Variants in TAF1 observed in about 807,000 individuals in gnomAD.
The protein encoded by TAF1 is TATA-box binding protein associated factor 1.
A neutral mutation model predicts 138.5 loss-of-function variants in TAF1; 2 were observed. The observed-to-expected ratio is 0.01, with a 90% confidence interval of 0.01 to 0.05. TAF1 has a LOEUF of 0.05. Ranked by LOEUF, TAF1 falls within the 10% of genes least tolerant of loss-of-function variation. The probability of loss-of-function intolerance (pLI) is 1.00; values close to 1 mark genes in which losing one functional copy is unlikely to be tolerated. For missense variants in TAF1, 709 were observed against 1,478.0 expected, an observed-to-expected ratio of 0.48 and a Z score of 8.53; for synonymous variants, 437 against 503.2, an observed-to-expected ratio of 0.87 and a Z score of 1.76.
chrX:71,519,671 C>A (rs984236782), intron 13 of TAF1, among the ~76,000 whole-genome samples: 1 of 111,155 alleles, frequency 9.0e-6, no homozygotes, highest in African/African-American at 3.3e-5. Context: ...AAAATAAAAA[C>A]AAATAAAAAG....
chrX:71,393,279 T>C, intron 20 of TAF1, 22 bp from the exon 21 acceptor site: 2 of 1,189,439 alleles, frequency 1.7e-6, no homozygotes, highest in Non-Finnish European at 2.3e-6. Context: ...TTTATATTTG[T>C]GTGTGGCTAT....
chrX:71,487,313 A>G (rs1358352375), intron 13 of TAF1, among the ~76,000 whole-genome samples: 1 of 81,297 alleles, frequency 1.2e-5, no homozygotes, highest in South Asian at 5.6e-4. Flanking sequence ...CATCTAATGT[A>G]TGTATTTTTT....
chrX:71,411,727 C>T (rs913310759), intron 28 of TAF1, among the ~76,000 whole-genome samples: 2 of 112,229 alleles, frequency 1.8e-5, no homozygotes, highest in African/African-American at 6.5e-5. Context: ...ACGTACCATG[C>T]AGTTTAACCA....
At chrX:71,477,064 G>A (rs1602798425) in intron 13 of TAF1, among the ~76,000 whole-genome samples, 2 of 108,337 alleles carry the variant, frequency 1.8e-5, no homozygotes, top group Admixed American at 1.0e-4. Flanking sequence ...TCAGCCTCCC[G>A]AGTAGCTGGG....
At chrX:71,441,787 A>G (rs1207822044) in intron 32 of TAF1, 1 of 186,745 alleles carries the variant, frequency 5.4e-6, no homozygotes, top group African/African-American at 3.2e-5. Flanking sequence ...CATTTACATT[A>G]GATATTTCTC....
At position 71,464,160 on chromosome X, in the gene TAF1, C is replaced by G. The variant is rs2038667567; in HGVS notation, c.*114C>G. 1 of 665,707 alleles carries G rather than the reference C, an allele frequency of 1.5e-6. No homozygotes were observed. The highest frequency in any genetic ancestry group is 2.3e-6 in the Non-Finnish European group (1 of 441,660). 54.9% of individuals were successfully genotyped at this position (665,707 alleles called of 1,213,427 possible). On this transcript the variant is annotated 3_prime_UTR_variant, in exon 38 of 38. Transcript: ENST00000423759. The stretch of plus-strand genomic sequence containing the variant: ...TCTGATCCTGAAATCATGAAATTAA[C>G]TAACACCTTAGCCTTTTTAAAAGTA...
chrX:71,433,050 T>A (rs1433366384), intron 32 of TAF1, among the ~76,000 whole-genome samples: 1 of 111,914 alleles, frequency 8.9e-6, no homozygotes, highest in Non-Finnish European at 1.9e-5. Context: ...GCTTAATATG[T>A]TGAGAGATAG....
intron 18 of TAF1, among the ~76,000 whole-genome samples, chrX:71,389,956 C>CCG (rs1042575621): frequency 9.0e-6 from 1 of 110,877 alleles, no homozygotes; most frequent in Non-Finnish European, 1.9e-5. Context: ...CCTTCACCTA[C>CCG]CGGGGTTCCT....
chrX:71,407,214 ATTT>A (rs1192482805), intron 26 of TAF1, among the ~76,000 whole-genome samples: 4 of 80,937 alleles, frequency 4.9e-5, no homozygotes, highest in African/African-American at 4.9e-5. Flanking sequence ...TGCTCGGCAG[ATTT>A]TTTTTTTTTT....
chrX:71,420,306 A>T, intron 28 of TAF1: 1 of 1,138,564 alleles, frequency 8.8e-7, no homozygotes, highest in Non-Finnish European at 1.2e-6. Context: ...GGAGTCATCT[A>T]AGGCCAGGGA....
At chrX:71,513,137 C>T (rs1034860179) in intron 13 of TAF1, among the ~76,000 whole-genome samples, 3 of 111,812 alleles carry the variant, frequency 2.7e-5, no homozygotes, top group African/African-American at 9.8e-5. Context: ...GAATTGGCAC[C>T]TGATTAAGAT....
At chrX:71,367,640 C>T (rs2032651946) in intron 2 of TAF1, 27 bp downstream of exon 2, 3 of 1,195,895 alleles carry the variant, frequency 2.5e-6, no homozygotes, top group Non-Finnish European at 3.4e-6. Flanking sequence ...GGGGAGTAGG[C>T]GGGGGAGGAG....
intron 13 of TAF1, among the ~76,000 whole-genome samples, chrX:71,518,820 C>T (rs1264335749): frequency 3.8e-5 from 4 of 104,189 alleles, no homozygotes; most frequent in Non-Finnish European, 5.9e-5. Flanking sequence ...CTCAGCCTCC[C>T]GAGTAGGTGG....
chrX:71,520,130 T>A (rs923175446), intron 13 of TAF1, among the ~76,000 whole-genome samples: 4 of 27,337 alleles, frequency 1.5e-4, no homozygotes, highest in Admixed American at 5.7e-4. Context: ...CATTTTATTT[T>A]ATTTATTTAT....
chrX:71,388,206 C>A lies in TAF1; in HGVS notation c.2428-31C>A, dbSNP rs12688726. On this transcript the variant is annotated intron_variant, in intron 15 of 37. Coordinates refer to ENST00000423759, the MANE Select transcript of TAF1 (RefSeq NM_004606.5). ...GTGAGGACTTTTATCCTTTTCTTTG[C>A]CAAATAAAATACACTTGGTTTGTTG... 355 of 1,204,310 alleles carry A rather than the reference C, an allele frequency of 2.9e-4. No homozygotes were observed. In the East Asian group the frequency reaches 9.2e-3, roughly 31 times the overall value.
rs769473565 is a variant in TAF1 at position 71,401,665 on chromosome X, C to T, written c.3924C>T (p.Val1308=). The part of the protein sequence containing the change: ...EEQEEELEKT[V]IHNDNEELIK... The stretch of plus-strand genomic sequence containing the variant: ...AGGAGGAGGAGTTGGAAAAGACAGT[C>T]ATTCATAATGATAATGAAGAACTTA... The change falls in exon 25 of 38, where the codon GTC becomes GTT. Residue 1308 remains valine, a synonymous_variant. Coordinates refer to ENST00000423759, the MANE Select transcript of TAF1 (RefSeq NM_004606.5). 1.2e-5 allele frequency: 15 copies of T among 1,209,779 alleles called. No homozygotes were observed. Among genetic ancestry groups the T allele is most frequent in the Non-Finnish European group, 1.7e-5 (15 of 895,271 alleles).
intron 13 of TAF1, among the ~76,000 whole-genome samples, chrX:71,506,658 C>T (rs2039634011): frequency 9.4e-6 from 1 of 106,639 alleles, no homozygotes; most frequent in African/African-American, 3.4e-5. Flanking sequence ...GCCGAGATCA[C>T]GCCACTGCAC....
intron 14 of TAF1, chrX:71,529,456 T>G (rs2040064005): frequency 4.5e-6 from 1 of 222,914 alleles, no homozygotes; most frequent in African/African-American, 2.9e-5. Context: ...TACAATCTTC[T>G]TGTAAGACAC....
intron 13 of TAF1, among the ~76,000 whole-genome samples, chrX:71,498,120 G>T (rs1237919562): frequency 1.8e-5 from 2 of 111,833 alleles, no homozygotes; most frequent in African/African-American, 6.5e-5. Context: ...GGACCAGAGT[G>T]CCTGGACTTG....
Sources: gnomAD v4.1 joint callset for allele counts (sites outside exome capture counted in the v4.1 genomes callset) on GRCh38, gnomAD v4.1.1 for gene constraint, MANE v1.5 for transcripts, NCBI Gene and HGNC (gene_info 2026-07-23, HGNC 2026-07-21) for gene names.